Variants in RUNDC3B observed in about 807,000 individuals in gnomAD.
RUNDC3B encodes RUN domain containing 3B.
In RUNDC3B, 33 loss-of-function variants were observed where a neutral mutation model predicts 58.4. The observed-to-expected ratio is 0.56, with a 90% CI of 0.43 to 0.75. RUNDC3B has a LOEUF of 0.75. RUNDC3B is among the 30% of genes least tolerant of loss of function. The probability of loss-of-function intolerance (pLI) is 0.00; values close to 1 mark genes in which losing one functional copy is unlikely to be tolerated. For synonymous variants in RUNDC3B, 193 were observed against 195.2 expected (o/e 0.99, Z 0.10); for missense variants, 501 against 535.7 (o/e 0.94, Z 0.64).
chr7:87,680,881 T>G (rs1441505858), intron 2 of RUNDC3B, among the ~76,000 whole-genome samples: 2 of 149,844 alleles, frequency 1.3e-5, no homozygotes, highest in African/African-American at 5.0e-5. Flanking sequence ...GAGGAAATAA[T>G]AGATAAAAGC....
rs572670876 is a variant in RUNDC3B at position 87,751,885 on chromosome 7, G to A, written c.629+10306G>A. On this transcript the variant is annotated intron_variant, in intron 6 of 10. Coordinates refer to ENST00000394654, the MANE Select transcript of RUNDC3B (RefSeq NM_001134405.2). ...CTTTATTTCCTTCTCCTGCCTAATTGCCCTGGCCAGAACTTCCAAAACTAT... is the reference window on the plus strand; with the variant it reads ...CTTTATTTCCTTCTCCTGCCTAATTACCCTGGCCAGAACTTCCAAAACTAT... Among the ~76,000 whole-genome samples, 6 of 152,102 alleles carry A rather than the reference G, an allele frequency of 3.9e-5. No homozygotes were observed. In the East Asian group the frequency reaches 1.2e-3, roughly 29 times the overall value.
chr7:87,662,751 A>C (rs1156564821), intron 2 of RUNDC3B, among the ~76,000 whole-genome samples: 1 of 152,100 alleles, frequency 6.6e-6, no homozygotes, highest in Non-Finnish European at 1.5e-5. Flanking sequence ...TTGTGGTTCC[A>C]TATGAATTTT....
intron 4 of RUNDC3B, among the ~76,000 whole-genome samples, chr7:87,726,566 G>A (rs529596460): frequency 6.6e-6 from 1 of 152,256 alleles, no homozygotes; most frequent in Admixed American, 6.5e-5. Context: ...GATTGTCTTG[G>A]CAATGCAGGC....
chr7:87,737,961 G>T (rs17149882), intron 4 of RUNDC3B, among the ~76,000 whole-genome samples: 1 of 151,774 alleles, frequency 6.6e-6, no homozygotes, highest in Admixed American at 6.6e-5. Flanking sequence ...ATTTTTTGCC[G>T]TGGTGTTCTT....
chr7:87,698,539 T>C (rs746342551), intron 2 of RUNDC3B, among the ~76,000 whole-genome samples: 3 of 152,232 alleles, frequency 2.0e-5, no homozygotes, highest in Non-Finnish European at 2.9e-5. Flanking sequence ...ACTAGCAGAC[T>C]GTTATCAAAA....
At chr7:87,823,815 CACACACACATAT>C (rs1377537272) in intron 10 of RUNDC3B, among the ~76,000 whole-genome samples, 1 of 151,310 alleles carries the variant, frequency 6.6e-6, no homozygotes, top group East Asian at 2.1e-4. Context: ...CACACACACA[CACACACACATAT>C]ATATATACAC....
At chr7:87,741,837 G>A (rs1018021169) in intron 6 of RUNDC3B, among the ~76,000 whole-genome samples, 4 of 151,270 alleles carry the variant, frequency 2.6e-5, no homozygotes, top group African/African-American at 9.8e-5. Flanking sequence ...TATTCATATT[G>A]CTGTAGTCAT....
At chr7:87,720,018 A>G (rs1387441672) in intron 4 of RUNDC3B, among the ~76,000 whole-genome samples, 1 of 151,006 alleles carries the variant, frequency 6.6e-6, no homozygotes, top group Non-Finnish European at 1.5e-5. Flanking sequence ...AGAAAGAAAA[A>G]CTTTGCAAAG....
chr7:87,780,342 A>T (rs1834858662), intron 8 of RUNDC3B, among the ~76,000 whole-genome samples: 1 of 151,894 alleles, frequency 6.6e-6, no homozygotes, highest in Admixed American at 6.6e-5. Context: ...AATGGTTTTG[A>T]TTTGCATTTG....
intron 3 of RUNDC3B, chr7:87,709,595 A>G: frequency 3.7e-6 from 3 of 806,760 alleles, no homozygotes; most frequent in Non-Finnish European, 4.5e-6. Context: ...ACAGGTTTTA[A>G]CTACTGCCTA....
At chr7:87,720,542 ATGTGTGTGTGTG>A (rs3028189) in intron 4 of RUNDC3B, among the ~76,000 whole-genome samples, 42 of 145,260 alleles carry the variant, frequency 2.9e-4, no homozygotes, top group East Asian at 1.2e-3. Context: ...GATAGGATAT[ATGTGTGTGTGTG>A]TGTGTGTGTG....
intron 2 of RUNDC3B, among the ~76,000 whole-genome samples, chr7:87,690,880 G>C (rs1481864675): frequency 6.6e-6 from 1 of 151,390 alleles, no homozygotes; most frequent in Non-Finnish European, 1.5e-5. Context: ...TTCCATCTTG[G>C]TACATTTATA....
intron 8 of RUNDC3B, among the ~76,000 whole-genome samples, chr7:87,806,340 GC>G (rs1014034223): frequency 5.9e-5 from 9 of 152,086 alleles, no homozygotes; most frequent in African/African-American, 2.2e-4. Flanking sequence ...GTATTGTGCT[GC>G]CCTTACCTCA....
intron 10 of RUNDC3B, among the ~76,000 whole-genome samples, chr7:87,820,680 C>T (rs1158705443): frequency 6.6e-6 from 1 of 152,052 alleles, no homozygotes; most frequent in Non-Finnish European, 1.5e-5. Context: ...CATCAAAAAG[C>T]TTATCCACCA....
At chr7:87,793,045 A>C (rs918958994) in intron 8 of RUNDC3B, among the ~76,000 whole-genome samples, 2 of 152,236 alleles carry the variant, frequency 1.3e-5, no homozygotes, top group South Asian at 4.1e-4. Context: ...AATTCAAAGG[A>C]TCATTAGTGG....
Position 87,763,248 on chromosome 7 carries a change from A to G in RUNDC3B, c.630-7333A>G, listed in dbSNP as rs1186697348. Among the ~76,000 whole-genome samples the G allele has an allele frequency of 3.3e-5, 5 of 151,688 alleles. No individual in the cohort carries two copies. In the East Asian group the frequency reaches 9.6e-4, roughly 29 times the overall value. On this transcript the variant is annotated intron_variant, in intron 6 of 10. Coordinates refer to ENST00000394654, the MANE Select transcript of RUNDC3B (RefSeq NM_001134405.2). ...TTTGACATATGCTTTTGATGTCCCG[A>G]ATTTTACATTTGTCATTGATTTATT...
intron 8 of RUNDC3B, among the ~76,000 whole-genome samples, chr7:87,799,915 C>T (rs1836040434): frequency 6.7e-6 from 1 of 150,274 alleles, no homozygotes; most frequent in Non-Finnish European, 1.5e-5. Flanking sequence ...AAGAATCACT[C>T]AAATCAGACA....
intron 2 of RUNDC3B, among the ~76,000 whole-genome samples, chr7:87,697,783 A>C (rs1168890812): frequency 6.6e-6 from 1 of 152,172 alleles, no homozygotes; most frequent in Admixed American, 6.5e-5. Context: ...GTTATTTTCA[A>C]TTTACAGAAG....
At chr7:87,760,636 A>G (rs1833627193) in intron 6 of RUNDC3B, among the ~76,000 whole-genome samples, 1 of 152,210 alleles carries the variant, frequency 6.6e-6, no homozygotes, top group African/African-American at 2.4e-5. Context: ...ATACATACAA[A>G]TCAACAGAAT....
Sources: allele counts gnomAD v4.1 joint callset (sites outside exome capture counted in the v4.1 genomes callset), GRCh38; gene constraint gnomAD v4.1.1; transcripts MANE v1.5; gene names NCBI Gene and HGNC (gene_info 2026-07-23, HGNC 2026-07-21).